ALK: variants seen among roughly 807,000 people sequenced by gnomAD.
The protein encoded by ALK is ALK tyrosine kinase receptor.
Under a neutral mutation model 163.1 loss-of-function variants are expected in ALK, and 74 were observed. The observed-to-expected ratio is 0.45, with a 90% CI of 0.38 to 0.55. ALK has a LOEUF of 0.55. Among genes scored for constraint, ALK ranks in the 20% least tolerant of loss-of-function variants. ALK has a pLI of 0.00. For synonymous variants in ALK, 960 were observed against 843.2 expected, an observed-to-expected ratio of 1.14 and a Z score of -2.40; for missense variants, 2,063 against 2,105.3, an observed-to-expected ratio of 0.98 and a Z score of 0.39.
intron 4 of ALK, 49 bp downstream of exon 4, chr2:29,531,866 G>A (rs1407199724): frequency 6.3e-7 from 1 of 1,597,682 alleles, no homozygotes; most frequent in Non-Finnish European, 8.6e-7. Flanking sequence ...GTAACCAAAA[G>A]CCAAATCACC....
chr2:29,506,066 C>A (rs574463283), intron 4 of ALK, among the ~76,000 whole-genome samples: 1 of 152,136 alleles, frequency 6.6e-6, no homozygotes, highest in African/African-American at 2.4e-5. Flanking sequence ...GGCCAGTGAT[C>A]CCCTAGGTAA....
chr2:29,798,217 C>A (rs767267211), intron 1 of ALK, among the ~76,000 whole-genome samples: 5 of 152,208 alleles, frequency 3.3e-5, no homozygotes, highest in Non-Finnish European at 7.3e-5. Flanking sequence ...GTGGCCAAAG[C>A]CTCTCTTTGT....
chr2:29,625,300 TTC>T (rs1205357631), intron 3 of ALK, among the ~76,000 whole-genome samples: 2 of 152,208 alleles, frequency 1.3e-5, no homozygotes, highest in Non-Finnish European at 1.5e-5. Context: ...TCCAAATTAA[TTC>T]TGTTTGACTT....
chr2:29,804,261 C>T (rs906573659), intron 1 of ALK, among the ~76,000 whole-genome samples: 8 of 152,260 alleles, frequency 5.3e-5, no homozygotes, highest in Admixed American at 2.6e-4. Flanking sequence ...ACTGGCCCCA[C>T]AGACAGGTGG....
intron 5 of ALK, among the ~76,000 whole-genome samples, chr2:29,363,685 G>T (rs1668434319): frequency 6.6e-6 from 1 of 152,184 alleles, no homozygotes; most frequent in African/African-American, 2.4e-5. Context: ...CTCAGTGATG[G>T]ACACATTTTA....
Position 29,267,834 on chromosome 2 carries a change from C to T in ALK, c.2041+7265G>A, listed in dbSNP as rs551931296. Reference sequence around the variant, plus strand: ...TGCAGAGCTGTTTTACAGGCAGAAGCAGCAAGTCTGAGAGAAGAATGATAA... The same window carrying T: ...TGCAGAGCTGTTTTACAGGCAGAAGTAGCAAGTCTGAGAGAAGAATGATAA... On this transcript the variant is annotated intron_variant, in intron 11 of 28. Coordinates refer to ENST00000389048, the MANE Select transcript of ALK (RefSeq NM_004304.5). 7.9e-5 allele frequency among the ~76,000 whole-genome samples: 12 copies of T among 152,324 alleles called. 1 individual carries two copies. The South Asian group carries it at 2.5e-3, about 32-fold the overall frequency.
intron 3 of ALK, among the ~76,000 whole-genome samples, chr2:29,692,893 G>T (rs1678443566): frequency 1.3e-5 from 2 of 152,150 alleles, no homozygotes; most frequent in Non-Finnish European, 1.5e-5. Flanking sequence ...TTATGCAAAG[G>T]ATTAATATAG....
At chr2:29,663,927 G>T (rs1020483624) in intron 3 of ALK, among the ~76,000 whole-genome samples, 2 of 152,156 alleles carry the variant, frequency 1.3e-5, no homozygotes, top group East Asian at 3.9e-4. Context: ...CCCTGAAGGG[G>T]ACTTAGAAAA....
At chr2:29,305,678 G>A (rs1666489924) in intron 8 of ALK, among the ~76,000 whole-genome samples, 1 of 152,100 alleles carries the variant, frequency 6.6e-6, no homozygotes, top group South Asian at 2.1e-4. Flanking sequence ...TCCATCTTAA[G>A]ACCTATTTCT....
chr2:29,887,245 G>T (rs1667007370), intron 1 of ALK, among the ~76,000 whole-genome samples: 1 of 152,208 alleles, frequency 6.6e-6, no homozygotes, highest in Non-Finnish European at 1.5e-5. Context: ...CTGGCAGATA[G>T]CTGGTCTTGA....
rs1187090451 is a variant in ALK at position 29,284,011 on chromosome 2, G to A, written c.1818-8515C>T. Reference sequence around the variant, plus strand: ...TATTTACTGACCGGGAATTGCTGAAGTCTCTTTTAGTTGTGCCCCCTATAG... The same window carrying A: ...TATTTACTGACCGGGAATTGCTGAAATCTCTTTTAGTTGTGCCCCCTATAG... On this transcript the variant is annotated intron_variant, in intron 9 of 28. Coordinates refer to ENST00000389048, the MANE Select transcript of ALK (RefSeq NM_004304.5). 2.0e-5 allele frequency among the ~76,000 whole-genome samples: 3 copies of A among 152,322 alleles called. No individual in the cohort carries two copies. The East Asian group carries it at 5.8e-4, about 29-fold the overall frequency.
chr2:29,855,528 C>T (rs944856912), intron 1 of ALK, among the ~76,000 whole-genome samples: 1 of 152,118 alleles, frequency 6.6e-6, no homozygotes, highest in African/African-American at 2.4e-5. Flanking sequence ...CTATACATAA[C>T]CTTTAATTAA....
intron 4 of ALK, among the ~76,000 whole-genome samples, chr2:29,454,493 G>C (rs929699592): frequency 1.9e-4 from 29 of 152,054 alleles, no homozygotes; most frequent in African/African-American, 6.0e-4. Flanking sequence ...TCCTCAGTTG[G>C]TTGAATCCAC....
At chr2:29,659,725 A>G (rs1328137470) in intron 3 of ALK, among the ~76,000 whole-genome samples, 1 of 152,176 alleles carries the variant, frequency 6.6e-6, no homozygotes, top group East Asian at 1.9e-4. Flanking sequence ...GTCTACTTCA[A>G]CACAACAGAT....
chr2:29,395,382 G>C (rs1669277675), intron 4 of ALK, among the ~76,000 whole-genome samples: 1 of 152,146 alleles, frequency 6.6e-6, no homozygotes, highest in East Asian at 1.9e-4. Context: ...GGTGAGGTGG[G>C]GTAAGAATAG....
chr2:29,349,529 T>C lies in ALK; in HGVS notation c.1283-21048A>G, dbSNP rs1463758291. The stretch of plus-strand genomic sequence containing the variant: ...GGCAATGGCTGAAGAGAGACGCTCA[T>C]CTAGACACAAAACAACTCCGCTTCC... On this transcript the variant is annotated intron_variant, in intron 5 of 28. Transcript: ENST00000389048. Among the ~76,000 whole-genome samples, 4 of 152,278 alleles carry C rather than the reference T, an allele frequency of 2.6e-5. No individual in the cohort carries two copies. In the East Asian group the frequency reaches 7.7e-4, roughly 29 times the overall value.
At chr2:29,289,035 C>T (rs939100579) in intron 9 of ALK, among the ~76,000 whole-genome samples, 2 of 151,606 alleles carry the variant, frequency 1.3e-5, no homozygotes, top group African/African-American at 2.4e-5. Flanking sequence ...GACTCTTCTG[C>T]TTCTTAGTTG....
rs149608493 is a variant in ALK at position 29,912,423 on chromosome 2, A to G, written c.667+7570T>C. ...TGAAGGACACAGGAACAAAATAGTT[A>G]AAGTGTGGAAAGAAAGGAACTGTCA... On this transcript the variant is annotated intron_variant, in intron 1 of 28. Transcript: ENST00000389048. 6.6e-5 allele frequency among the ~76,000 whole-genome samples: 10 copies of G among 152,308 alleles called. No homozygotes were observed. In the East Asian group the frequency reaches 1.7e-3, roughly 26 times the overall value.
intron 5 of ALK, among the ~76,000 whole-genome samples, chr2:29,351,840 TG>T (rs2148280095): frequency 6.6e-6 from 1 of 152,148 alleles, no homozygotes; most frequent in East Asian, 1.9e-4. Context: ...GAGAGAGAAG[TG>T]GCACTTAACT....
Sources: allele counts gnomAD v4.1 joint callset (sites outside exome capture counted in the v4.1 genomes callset), GRCh38; gene constraint gnomAD v4.1.1; transcripts MANE v1.5; gene names NCBI Gene and HGNC (gene_info 2026-07-23, HGNC 2026-07-21).